The following LITAF variants were observed in gnomAD, a reference collection of about 807,000 sequenced individuals.
LITAF encodes the protein lipopolysaccharide-induced tumor necrosis factor-alpha factor.
A neutral mutation model predicts 14.5 loss-of-function variants in LITAF; 9 were observed. That is an observed-to-expected ratio of 0.62 (90% CI 0.37 to 1.08). The LOEUF (loss-of-function observed/expected upper bound fraction) is 1.08. LITAF is among the 50% of genes least tolerant of loss of function. LITAF has a pLI of 0.01. For synonymous variants in LITAF, 98 were observed against 88.2 expected (o/e 1.11, Z -0.62); for missense variants, 206 against 213.4 (o/e 0.97, Z 0.22).
intron 1 of LITAF, among the ~76,000 whole-genome samples, chr16:11,565,871 G>A (rs924071224): frequency 2.0e-5 from 3 of 151,796 alleles, no homozygotes; most frequent in African/African-American, 4.8e-5. Context: ...GCCCCCGGGA[G>A]AATTCATTCC....
chr16:11,566,683 G>A (rs915710875), intron 1 of LITAF, among the ~76,000 whole-genome samples: 11 of 152,024 alleles, frequency 7.2e-5, no homozygotes, highest in African/African-American at 2.7e-4. Context: ...AGGATCCCTC[G>A]ATCACTTGAG....
At chr16:11,571,084 T>C (rs1015840416) in intron 1 of LITAF, among the ~76,000 whole-genome samples, 10 of 152,162 alleles carry the variant, frequency 6.6e-5, no homozygotes, top group African/African-American at 2.2e-4. Flanking sequence ...TTGTGTGTTG[T>C]TGAGTCCAAG....
rs75189366 is a variant in LITAF at position 11,615,841 on chromosome 16, G to A, written c.85+17692C>T. 6.8e-3 allele frequency among the ~76,000 whole-genome samples: 1,029 copies of A among 152,200 alleles called. 5 individuals carry two copies. The highest frequency in any genetic ancestry group is 0.023 in the African/African-American group (960 of 41,518). ...TAGAGTATCTTTCGTATGCTAATGG[G>A]ATGACTCAAGATGACTCAGTGTGGG... On this transcript the variant is annotated intron_variant, in intron 3 of 3. Transcript: ENST00000574848.
chr16:11,580,261 GT>G (rs371546590), intron 1 of LITAF, among the ~76,000 whole-genome samples: 62 of 145,526 alleles, frequency 4.3e-4, no homozygotes, highest in Middle Eastern at 3.5e-3. Flanking sequence ...AACCAGTGAA[GT>G]TTTTTTTTTT....
chr16:11,614,673 C>A (rs972296104), intron 3 of LITAF, among the ~76,000 whole-genome samples: 1 of 152,144 alleles, frequency 6.6e-6, no homozygotes, highest in African/African-American at 2.4e-5. Context: ...AACTTCAGCT[C>A]ACTGCAACCT....
intron 2 of LITAF, among the ~76,000 whole-genome samples, chr16:11,554,099 G>A (rs944838198): frequency 6.6e-6 from 1 of 152,170 alleles, no homozygotes; most frequent in African/African-American, 2.4e-5. Context: ...CAGCGTGGGA[G>A]TACACGCCTG....
chr16:11,627,780 G>T (rs186982133), intron 3 of LITAF, among the ~76,000 whole-genome samples: 50 of 152,268 alleles, frequency 3.3e-4, no homozygotes, highest in Admixed American at 4.6e-4. Context: ...GGAGGCAGAG[G>T]TTGCAGTGAG....
At chr16:11,592,621 C>G (rs186827782) in intron 1 of LITAF, among the ~76,000 whole-genome samples, 2 of 151,596 alleles carry the variant, frequency 1.3e-5, no homozygotes, top group Admixed American at 1.3e-4. Context: ...ACCTTACCCC[C>G]AAGAAAATAC....
At chr16:11,598,994 A>ATT (rs949769976), upstream of LITAF, among the ~76,000 whole-genome samples, 21 of 149,898 alleles carry the variant, frequency 1.4e-4, no homozygotes, top group African/African-American at 4.9e-4. Flanking sequence ...TGATTTTTGT[A>ATT]TTTTTAGTAG....
chr16:11,552,741 G>A (rs959318752), intron 3 of LITAF, among the ~76,000 whole-genome samples: 1 of 152,102 alleles, frequency 6.6e-6, no homozygotes, highest in Non-Finnish European at 1.5e-5. Context: ...TGGGGAGCGT[G>A]GTGCTCCTAG....
upstream of LITAF, among the ~76,000 whole-genome samples, chr16:11,599,387 G>C (rs112365622): frequency 0.02 from 2,991 of 152,212 alleles, 50 homozygotes; most frequent in Non-Finnish European, 0.029. Context: ...CAAAGTGCTA[G>C]GATTATAGGT....
chr16:11,576,197 G>A lies in LITAF; in HGVS notation c.-6+10689C>T, dbSNP rs984637336. Among the ~76,000 whole-genome samples, 22 of 152,178 alleles carry A rather than the reference G, an allele frequency of 1.4e-4. 1 individual carries two copies. Among genetic ancestry groups the A allele is most frequent in the South Asian group, 1.0e-3 (5 of 4,808 alleles). On this transcript the variant is annotated intron_variant, in intron 1 of 3. Transcript: ENST00000622633. ...TCTAAAATCGATCCCAGCTGGGCAC[G>A]GTGGCTCATGCCTGTAATCCCAGTG...
At position 11,579,459 on chromosome 16, in the gene LITAF, A is replaced by AAAAATAAAAT. The variant is rs57762611; in HGVS notation, c.-6+7417_-6+7426dup. 5.0e-3 allele frequency among the ~76,000 whole-genome samples: 553 copies of AAAAATAAAAT among 110,310 alleles called. 21 individuals are homozygous for AAAAATAAAAT. The highest frequency in any genetic ancestry group is 9.8e-3 in the East Asian group (38 of 3,888). 72.4% of individuals were successfully genotyped at this position (110,310 alleles called of 152,430 possible). ...GGCGACAGAGCGAGACTCCGTCTCA[A>AAAAATAAAAT]AAAATAAAATAAAATAAAATAAAAT... On this transcript the variant is annotated intron_variant, in intron 1 of 3. Coordinates refer to ENST00000622633, the MANE Select transcript of LITAF (RefSeq NM_001136472.2).
At chr16:11,613,316 G>C (rs2064994567) in intron 3 of LITAF, among the ~76,000 whole-genome samples, 1 of 152,170 alleles carries the variant, frequency 6.6e-6, no homozygotes, top group South Asian at 2.1e-4. Context: ...ATCCCCATGG[G>C]ATGGAGAGAG....
In LITAF at chr16:11,558,020, G is replaced by T. The variant is rs2064300893; in HGVS notation, c.-5-1285C>A. On this transcript the variant is annotated intron_variant, in intron 1 of 3. Coordinates refer to ENST00000622633, the MANE Select transcript of LITAF (RefSeq NM_001136472.2). This position sits in a 1 kb window ranked among gnomAD's most constrained non-coding sequence, Gnocchi z 4.1. ...GTGGCTGTTTTTCTAACTGGGCAGG[G>T]TTCAGGCTGCCTTAGAAGAGCCATT... 6.6e-6 allele frequency among the ~76,000 whole-genome samples: 1 copy of T among 152,132 alleles called. No homozygotes were observed. The highest frequency in any genetic ancestry group is 2.4e-5 in the African/African-American group (1 of 41,416).
At chr16:11,618,929 G>A (rs1183595810) in intron 3 of LITAF, among the ~76,000 whole-genome samples, 2 of 151,780 alleles carry the variant, frequency 1.3e-5, no homozygotes, top group African/African-American at 4.8e-5. Context: ...GTTGCAGTGA[G>A]CCGAGATTAC....
chr16:11,629,283 T>C (rs2065104263), intron 3 of LITAF: 1 of 152,350 alleles, frequency 6.6e-6, no homozygotes, highest in African/African-American at 2.4e-5. Context: ...CATGACCTCA[T>C]CCTAGTTGAG....
chr16:11,632,806 C>T lies in LITAF; in HGVS notation c.85+727G>A, dbSNP rs1031959894. On this transcript the variant is annotated intron_variant, in intron 3 of 3. Coordinates refer to the LITAF transcript ENST00000574848. The surrounding 1 kb of genome is among the most constrained non-coding windows in gnomAD (Gnocchi z 4.8). ...AGCCCCCGCACGGGTCAGAGTTTTC[C>T]GTGTGCCGCCTCCTCGTCCTTCTTC... Among the ~76,000 whole-genome samples, 17 of 152,094 alleles carry T rather than the reference C, an allele frequency of 1.1e-4. No homozygotes were observed. The highest frequency in any genetic ancestry group is 3.6e-4 in the African/African-American group (15 of 41,348).
chr16:11,579,284 T>C (rs1046301675), intron 1 of LITAF, among the ~76,000 whole-genome samples: 1 of 150,354 alleles, frequency 6.7e-6, no homozygotes, highest in Non-Finnish European at 1.5e-5. Context: ...ACCCCGTCTC[T>C]ACTAAAAATA....
Sources: allele counts gnomAD v4.1 joint callset (sites outside exome capture counted in the v4.1 genomes callset), GRCh38; gene constraint gnomAD v4.1.1; non-coding constraint Gnocchi (gnomAD v3.1); transcripts MANE v1.5; gene names NCBI Gene and HGNC (gene_info 2026-07-23, HGNC 2026-07-21).